The following DGKQ variants were observed in gnomAD, a reference collection of about 807,000 sequenced individuals.
DGKQ encodes diacylglycerol kinase theta, also known as DAG kinase theta.
A neutral mutation model predicts 104.2 loss-of-function variants in DGKQ; 97 were observed. The observed-to-expected ratio is 0.93, with a 90% CI of 0.79 to 1.10. The LOEUF (loss-of-function observed/expected upper bound fraction) is 1.10. Ranked by LOEUF, DGKQ falls within the 50% of genes least tolerant of loss-of-function variation. DGKQ has a pLI of 0.00. For synonymous variants in DGKQ, 736 were observed against 595.2 expected, an observed-to-expected ratio of 1.24 and a Z score of -3.44; for missense variants, 1,465 against 1,352.1, an observed-to-expected ratio of 1.08 and a Z score of -1.31.
chr4:965,806 C>G (rs895171315), intron 13 of DGKQ, 122 bp downstream of exon 13: 2 of 1,172,428 alleles, frequency 1.7e-6, no homozygotes, highest in East Asian at 2.6e-5. Flanking sequence ...GTGGGCTGGA[C>G]CCGGAGCTCA....
chr4:973,336 G>A lies in DGKQ; in HGVS notation c.147C>T (p.Gly49=). The A allele has an allele frequency of 7.1e-7, 1 of 1,399,922 alleles. No homozygotes were observed. The highest frequency in any genetic ancestry group is 9.4e-7 in the Non-Finnish European group (1 of 1,067,962). 86.7% of individuals were successfully genotyped at this position (1,399,922 alleles called of 1,614,324 possible). The stretch of plus-strand genomic sequence containing the variant: ...CGGCAGCGGGGCCCGGGGCTCTGAC[G>A]CCCGCCCGCTCGGGTCCCGGCCCCG... ...PGPGPGPERA[G]VRAPGPAAAP... The change falls in exon 1 of 23, where the codon GGC becomes GGT. Residue 49 remains glycine (G), a synonymous_variant. Coordinates refer to ENST00000273814, the MANE Select transcript of DGKQ (RefSeq NM_001347.4).
In DGKQ at chr4:961,160, G is replaced by C. The variant is rs764973150; in HGVS notation, c.2616C>G (p.Ala872=). The change falls in exon 22 of 23, where the codon GCC becomes GCG. Residue 872 remains alanine, a synonymous_variant. Transcript: ENST00000273814. ...GCGTGACTCGGAAGTAGGAACCCTG[G>C]GCAATCCGGATTCCGGAGCGCAGCC... ...QGGLRSGIRI[A]QGSYFRVTLL... 6.3e-7 allele frequency: 1 copy of C among 1,599,076 alleles called. No homozygotes were observed. Among genetic ancestry groups the C allele is most frequent in the Non-Finnish European group, 8.5e-7 (1 of 1,173,382 alleles).
chr4:970,482 G>A (rs369964376), intron 2 of DGKQ, among the ~76,000 whole-genome samples: 32 of 152,330 alleles, frequency 2.1e-4, no homozygotes, highest in African/African-American at 7.5e-4. Flanking sequence ...TGGTGGCCAA[G>A]ACACCCTCAG....
chr4:966,575 C>T (rs531351427), intron 11 of DGKQ, 48 bp from the exon 12 acceptor site: 4 of 1,589,352 alleles, frequency 2.5e-6, no homozygotes, highest in Middle Eastern at 1.7e-4. Flanking sequence ...CCTCGCCCAC[C>T]TTGGAAGCAG....
Position 961,175 on chromosome 4 carries a change from G to A in DGKQ, c.2601C>T (p.Ser867=), listed in dbSNP as rs528635406. 1.2e-4 allele frequency: 194 copies of A among 1,587,164 alleles called. 3 individuals are homozygous for A. The South Asian group carries it at 1.8e-3, about 15-fold the overall frequency. Residue 867 remains serine (S), a synonymous_variant, in exon 22 of 23, where the codon TCC becomes TCT. Coordinates refer to ENST00000273814, the MANE Select transcript of DGKQ (RefSeq NM_001347.4). Reference sequence around the variant, plus strand: ...AGGAACCCTGGGCAATCCGGATTCCGGAGCGCAGCCCACCCTGGACCTGGC... The same window carrying A: ...AGGAACCCTGGGCAATCCGGATTCCAGAGCGCAGCCCACCCTGGACCTGGC... ...HMGQVQGGLR[S]GIRIAQGSYF... is the part of the protein sequence containing the mutation.
Position 966,051 on chromosome 4 carries a change from G to C in DGKQ, c.1456C>G (p.Arg486Gly), listed in dbSNP as rs149136229. The change falls in exon 13 of 23, where the codon CGG becomes GGG. Residue 486 changes from arginine to glycine, a missense_variant. Coordinates refer to ENST00000273814, the MANE Select transcript of DGKQ (RefSeq NM_001347.4). Reference sequence around the variant, plus strand: ...TCCCTGCTCTCTGCCACGTAGAACCGCGTCTGGCTCACCTGCCGCACAGAC... The same window carrying C: ...TCCCTGCTCTCTGCCACGTAGAACCCCGTCTGGCTCACCTGCCGCACAGAC... ...QMSVRQVSQT[R>G]FYVAESRDVA... 5 of 1,603,412 alleles carry C rather than the reference G, an allele frequency of 3.1e-6. No individual in the cohort carries two copies. Among genetic ancestry groups the C allele is most frequent in the Non-Finnish European group, 4.3e-6 (5 of 1,176,190 alleles).
chr4:972,965 C>T (rs1247980863), intron 1 of DGKQ, among the ~76,000 whole-genome samples: 1 of 152,206 alleles, frequency 6.6e-6, no homozygotes, highest in African/African-American at 2.4e-5. Context: ...AGGCACAGCC[C>T]CTGGGTCGCA....
rs780613060 is a variant in DGKQ at position 965,301 on chromosome 4, G to A, written c.1619-10C>T. 1.2e-5 allele frequency: 20 copies of A among 1,611,274 alleles called. No homozygotes were observed. Among genetic ancestry groups the A allele is most frequent in the Non-Finnish European group, 1.7e-5 (20 of 1,178,846 alleles). On this transcript the variant is annotated splice_polypyrimidine_tract_variant and intron_variant, in intron 14 of 22. Transcript: ENST00000273814. ...TCCAACACTACCGCGCCTGCGGCAG[G>A]AGCCCAGGACTCAGGGGGAGCCTGT...
chr4:961,412 C>T (rs954827574), intron 21 of DGKQ, 55 bp downstream of exon 21: 246 of 1,518,448 alleles, frequency 1.6e-4, no homozygotes, highest in Middle Eastern at 2.3e-4. Context: ...CTGGGCTCAG[C>T]GGGGACCGGG....
At chr4:970,787 G>A (rs985937649) in intron 2 of DGKQ, among the ~76,000 whole-genome samples, 6 of 152,148 alleles carry the variant, frequency 3.9e-5, no homozygotes, top group South Asian at 2.1e-4. Flanking sequence ...TGCTATTTGC[G>A]ACCTCGGGGA....
At position 970,635 on chromosome 4, in the gene DGKQ, C is replaced by T. The variant is rs370378827; in HGVS notation, c.351+358G>A. On this transcript the variant is annotated intron_variant, in intron 2 of 22. Coordinates refer to ENST00000273814, the MANE Select transcript of DGKQ (RefSeq NM_001347.4). The stretch of plus-strand genomic sequence containing the variant: ...TGTGTGATCTTGCAAACTGAGGTCA[C>T]GCCAGATGCCGAAATCTCCATCCCC... 3.9e-5 allele frequency among the ~76,000 whole-genome samples: 6 copies of T among 152,142 alleles called. No individual in the cohort carries two copies. The East Asian group carries it at 9.6e-4, about 24-fold the overall frequency.
intron 13 of DGKQ, 31 bp from the exon 14 acceptor site, chr4:965,560 G>A: frequency 6.2e-7 from 1 of 1,608,664 alleles, no homozygotes. Flanking sequence ...CAGGGCGGTG[G>A]GAGGCGAAGG....
intron 2 of DGKQ, among the ~76,000 whole-genome samples, chr4:969,395 C>T (rs908066477): frequency 1.2e-4 from 18 of 152,344 alleles, no homozygotes; most frequent in Non-Finnish European, 1.5e-4. Flanking sequence ...CTGGCCATAA[C>T]GAGTGTGGAC....
chr4:973,114 C>G, intron 1 of DGKQ, 98 bp downstream of exon 1: 1 of 1,331,890 alleles, frequency 7.5e-7, no homozygotes, highest in Non-Finnish European at 9.6e-7. Flanking sequence ...CCCCGCCCTC[C>G]ACTCCCCCGA....
chr4:973,084 TC>T, intron 1 of DGKQ, 127 bp downstream of exon 1: 1 of 1,278,084 alleles, frequency 7.8e-7, no homozygotes, highest in Non-Finnish European at 9.9e-7. Flanking sequence ...CGAAGGCACG[TC>T]CCGCGAGCAG....
intron 15 of DGKQ, among the ~76,000 whole-genome samples, chr4:963,638 G>A (rs1041119007): frequency 1.3e-5 from 2 of 152,240 alleles, no homozygotes; most frequent in East Asian, 3.8e-4. Context: ...GGGACTCTGC[G>A]TGGCACTCTG....
At chr4:966,244 G>C in intron 12 of DGKQ, 166 bp from the exon 13 acceptor site, 1 of 880,298 alleles carries the variant, frequency 1.1e-6, no homozygotes, top group Non-Finnish European at 1.7e-6. Context: ...CCTTGCTGTG[G>C]ACAACCCCTG....
At position 971,667 on chromosome 4, in the gene DGKQ, G is replaced by A. The variant is rs1261762221; in HGVS notation, c.272-595C>T. 1.3e-5 allele frequency among the ~76,000 whole-genome samples: 2 copies of A among 152,154 alleles called. No homozygotes were observed. Among genetic ancestry groups the A allele is most frequent in the Non-Finnish European group, 2.9e-5 (2 of 68,010 alleles). On this transcript the variant is annotated intron_variant, in intron 1 of 22. Transcript: ENST00000273814. The surrounding 1 kb of genome is among the most constrained non-coding windows in gnomAD (Gnocchi z 4.0). ...AGCACCTGAGCCGGCGGGGTGCTCA[G>A]GAGGGCATAAGAGGAGCAAGCGCCA...
chr4:966,902 C>T, intron 10 of DGKQ, 62 bp downstream of exon 10: 1 of 1,548,708 alleles, frequency 6.5e-7, no homozygotes, highest in Non-Finnish European at 8.7e-7. Flanking sequence ...GGCCTGGCCT[C>T]CTGGGGACAG....
Sources: allele counts gnomAD v4.1 joint callset (sites outside exome capture counted in the v4.1 genomes callset), GRCh38; gene constraint gnomAD v4.1.1; non-coding constraint Gnocchi (gnomAD v3.1); transcripts MANE v1.5; gene names NCBI Gene and HGNC (gene_info 2026-07-23, HGNC 2026-07-21).